Variants in IGSF3 observed in about 807,000 individuals in gnomAD.
The protein encoded by IGSF3 is immunoglobulin superfamily member 3.
IGSF3 carries 23 observed loss-of-function variants against 114.4 expected under a neutral mutation model. The observed-to-expected ratio is 0.20, with a 90% CI of 0.14 to 0.28. IGSF3 has a LOEUF of 0.28. Ranked by LOEUF, IGSF3 falls within the 10% of genes least tolerant of loss-of-function variation. IGSF3 has a pLI of 1.00. For missense variants in IGSF3, 1,172 were observed against 1,591.5 expected (o/e 0.74, Z 4.48); for synonymous variants, 571 against 645.2 (o/e 0.88, Z 1.74).
rs1203866508 is a variant in IGSF3 at position 116,589,757 on chromosome 1, T to C, written c.2030-653A>G. Among the ~76,000 whole-genome samples the C allele has an allele frequency of 3.3e-5, 5 of 152,154 alleles. No homozygotes were observed. In the South Asian group the frequency reaches 8.3e-4, roughly 25 times the overall value. The stretch of plus-strand genomic sequence containing the variant: ...TCACATCTCTCTCCCATATCCTAGA[T>C]GGTGAGCTCCCCCAGGGCAGGGATC... On this transcript the variant is annotated intron_variant, in intron 7 of 10. Transcript: ENST00000369486. This position sits in a 1 kb window ranked among gnomAD's most constrained non-coding sequence, Gnocchi z 5.7.
intron 2 of IGSF3, among the ~76,000 whole-genome samples, chr1:116,646,291 G>A (rs1052528421): frequency 6.6e-6 from 1 of 152,158 alleles, no homozygotes; most frequent in Non-Finnish European, 1.5e-5. Flanking sequence ...CTTTTGTCCG[G>A]CTTCTGGTGA....
At position 116,596,343 on chromosome 1, in the gene IGSF3, G is replaced by T; in HGVS notation, c.2029+3598C>A. 6.6e-6 allele frequency among the ~76,000 whole-genome samples: 1 copy of T among 152,220 alleles called. No homozygotes were observed. The highest frequency in any genetic ancestry group is 1.9e-4 in the East Asian group (1 of 5,198). ...GGGGACATTTCTATGGAAGACACCA[G>T]AGCAGGGCTAAGAATCTATGTTTTG... On this transcript the variant is annotated intron_variant, in intron 7 of 10. Transcript: ENST00000369486. The surrounding 1 kb of genome is among the most constrained non-coding windows in gnomAD (Gnocchi z 4.1).
chr1:116,620,268 C>G (rs1169639381), intron 2 of IGSF3, among the ~76,000 whole-genome samples: 1 of 152,158 alleles, frequency 6.6e-6, no homozygotes, highest in Non-Finnish European at 1.5e-5. Flanking sequence ...GCTGGCCACG[C>G]TTAGAGTTGT....
At chr1:116,659,337 TTTG>T (rs1649012572) in intron 2 of IGSF3, among the ~76,000 whole-genome samples, 1 of 152,216 alleles carries the variant, frequency 6.6e-6, no homozygotes, top group Non-Finnish European at 1.5e-5. Context: ...TGCCATGGTC[TTTG>T]TTAAGTGCCT....
In IGSF3 at chr1:116,629,980, TTTGAGGAATC is replaced by T. The variant is rs1271180730; in HGVS notation, c.44-13533_44-13524del. 3.3e-5 allele frequency among the ~76,000 whole-genome samples: 5 copies of T among 151,916 alleles called. No individual in the cohort carries two copies. The highest frequency in any genetic ancestry group is 7.4e-5 in the Non-Finnish European group (5 of 67,980). ...AGGAAGGCACCTGAATGACAGATGG[TTTGAGGAATC>T]TTGAGAAAGCAGAAGTTTAGGCATT... On this transcript the variant is annotated intron_variant, in intron 2 of 10. Coordinates refer to ENST00000369486, the MANE Select transcript of IGSF3 (RefSeq NM_001007237.3). This position sits in a 1 kb window ranked among gnomAD's most constrained non-coding sequence, Gnocchi z 4.3.
chr1:116,661,612 A>T lies in IGSF3; in HGVS notation c.43+4672T>A, dbSNP rs929492050. On this transcript the variant is annotated intron_variant, in intron 2 of 10. Transcript: ENST00000369486. This position sits in a 1 kb window ranked among gnomAD's most constrained non-coding sequence, Gnocchi z 4.0. ...GCTCGGCTTCAGAGTCAAACGGAAT[A>T]GCTTATTAGATGTAAGAACACAGGA... 6.6e-6 allele frequency among the ~76,000 whole-genome samples: 1 copy of T among 152,218 alleles called. No homozygotes were observed. The highest frequency in any genetic ancestry group is 1.5e-5 in the Non-Finnish European group (1 of 68,038).
intron 4 of IGSF3, among the ~76,000 whole-genome samples, chr1:116,611,826 C>T (rs1217146346): frequency 6.6e-6 from 1 of 151,976 alleles, no homozygotes; most frequent in African/African-American, 2.4e-5. Context: ...GCACATTTTA[C>T]TTGTCCATTG....
At chr1:116,611,838 C>T (rs489058) in intron 4 of IGSF3, among the ~76,000 whole-genome samples, 76,463 of 151,356 alleles carry the variant, frequency 0.51, 21,908 homozygotes, top group African/African-American at 0.79. Context: ...TGTCCATTGG[C>T]TCTCAGGTCT....
At position 116,578,653 on chromosome 1, in the gene IGSF3, CT is replaced by C. The variant is rs914308050; in HGVS notation, c.3334+738del. On this transcript the variant is annotated intron_variant, in intron 10 of 10. Transcript: ENST00000369486. ...AAAAGAAGTTAAAAATTCCAGCAAT[CT>C]TTTTTTTCTTTCTGTATTCTAGGCT... is the stretch of plus-strand genomic sequence containing the variant. Among the ~76,000 whole-genome samples the C allele has an allele frequency of 2.2e-3, 334 of 152,180 alleles. 1 individual carries two copies. Among genetic ancestry groups the C allele is most frequent in the African/African-American group, 7.7e-3 (319 of 41,528 alleles).
At position 116,638,543 on chromosome 1, in the gene IGSF3, C is replaced by CA. The variant is rs1298419770; in HGVS notation, c.44-22087dup. The stretch of plus-strand genomic sequence containing the variant: ...TCCACCTACTCAGTCTGACACCCAC[C>CA]ACTCCCTCCAAACATCCCCGGTACG... On this transcript the variant is annotated intron_variant, in intron 2 of 10. Coordinates refer to ENST00000369486, the MANE Select transcript of IGSF3 (RefSeq NM_001007237.3). This position sits in a 1 kb window ranked among gnomAD's most constrained non-coding sequence, Gnocchi z 4.1. Among the ~76,000 whole-genome samples, 10 of 152,322 alleles carry CA rather than the reference C, an allele frequency of 6.6e-5. No homozygotes were observed. The highest frequency in any genetic ancestry group is 6.8e-3 in the Middle Eastern group (2 of 294).
chr1:116,664,095 G>A lies in IGSF3; in HGVS notation c.43+2189C>T, dbSNP rs1649230550. On this transcript the variant is annotated intron_variant, in intron 2 of 10. Transcript: ENST00000369486. This position sits in a 1 kb window ranked among gnomAD's most constrained non-coding sequence, Gnocchi z 4.6. ...AAAGTAGTAGCCAGGCCTCCTTCCT[G>A]CCATACTGAGAGCCATCAGGTGAAG... 6.6e-6 allele frequency among the ~76,000 whole-genome samples: 1 copy of A among 152,150 alleles called. No individual in the cohort carries two copies. The highest frequency in any genetic ancestry group is 1.5e-5 in the Non-Finnish European group (1 of 68,034).
rs866505048 is a variant in IGSF3, at chr1:116,612,319, T to C, written c.832+1446A>G. On this transcript the variant is annotated intron_variant, in intron 4 of 10. Transcript: ENST00000369486. This position sits in a 1 kb window ranked among gnomAD's most constrained non-coding sequence, Gnocchi z 4.1. ...GAGCAGATAAAGTGCTCCCTATCCC[T>C]ACCAACCCCTACGGTAAAAGATTTC... Among the ~76,000 whole-genome samples, 10 of 152,156 alleles carry C rather than the reference T, an allele frequency of 6.6e-5. No individual in the cohort carries two copies. The highest frequency in any genetic ancestry group is 1.9e-4 in the African/African-American group (8 of 41,436).
rs1010690217 is a variant in IGSF3 at position 116,607,534 on chromosome 1, C to G, written c.1222+408G>C. On this transcript the variant is annotated intron_variant, in intron 5 of 10. Coordinates refer to ENST00000369486, the MANE Select transcript of IGSF3 (RefSeq NM_001007237.3). This position sits in a 1 kb window ranked among gnomAD's most constrained non-coding sequence, Gnocchi z 6.1. ...TTAAAATCCTCCCATAAAAGACCAACTCTCCTTAAGTGAGATTTCAAGGCA... is the reference window on the plus strand; with the variant it reads ...TTAAAATCCTCCCATAAAAGACCAAGTCTCCTTAAGTGAGATTTCAAGGCA... Among the ~76,000 whole-genome samples, 4 of 152,382 alleles carry G rather than the reference C, an allele frequency of 2.6e-5. No homozygotes were observed. The highest frequency in any genetic ancestry group is 1.9e-4 in the East Asian group (1 of 5,188).
Position 116,585,378 on chromosome 1 carries a change from G to A in IGSF3, c.2441-326C>T, listed in dbSNP as rs935915000. 4.6e-5 allele frequency among the ~76,000 whole-genome samples: 7 copies of A among 152,140 alleles called. No homozygotes were observed. Among genetic ancestry groups the A allele is most frequent in the African/African-American group, 1.7e-4 (7 of 41,410 alleles). ...ATGACAACGGACCACAAAACATGTC[G>A]CTGGCCGGGGCAGGTGGCTGGGAAG... On this transcript the variant is annotated intron_variant, in intron 8 of 10. Coordinates refer to ENST00000369486, the MANE Select transcript of IGSF3 (RefSeq NM_001007237.3). The surrounding 1 kb of genome is among the most constrained non-coding windows in gnomAD (Gnocchi z 4.9).
At chr1:116,599,017 A>G (rs1257658536) in intron 7 of IGSF3, among the ~76,000 whole-genome samples, 3 of 152,194 alleles carry the variant, frequency 2.0e-5, no homozygotes, top group Non-Finnish European at 4.4e-5. Context: ...TTCAGGGCCC[A>G]TACAACTGGA....
rs1303545801 is a variant in IGSF3 at position 116,610,874 on chromosome 1, T to C, written c.833-2543A>G. ...AGCATCTCTATCAGAGTCTACCTGA[T>C]GGATGGGCTCTTTCATTAGAATTTA... On this transcript the variant is annotated intron_variant, in intron 4 of 10. Transcript: ENST00000369486. The surrounding 1 kb of genome is among the most constrained non-coding windows in gnomAD (Gnocchi z 4.3). Among the ~76,000 whole-genome samples, 1 of 152,230 alleles carries C rather than the reference T, an allele frequency of 6.6e-6. No homozygotes were observed. The highest frequency in any genetic ancestry group is 2.4e-5 in the African/African-American group (1 of 41,470).
rs1326703968 is a variant in IGSF3, at chr1:116,661,845, G to A, written c.43+4439C>T. Among the ~76,000 whole-genome samples the A allele has an allele frequency of 6.6e-6, 1 of 152,140 alleles. No homozygotes were observed. The highest frequency in any genetic ancestry group is 1.5e-5 in the Non-Finnish European group (1 of 68,020). ...CAGCTAAATATGGTCACATGACTAG[G>A]TTCTAGCCAATGAGAATGTTAGTGG... On this transcript the variant is annotated intron_variant, in intron 2 of 10. Coordinates refer to ENST00000369486, the MANE Select transcript of IGSF3 (RefSeq NM_001007237.3). This position sits in a 1 kb window ranked among gnomAD's most constrained non-coding sequence, Gnocchi z 4.0.
At chr1:116,630,698 G>A (rs1467266623) in intron 2 of IGSF3, among the ~76,000 whole-genome samples, 1 of 152,168 alleles carries the variant, frequency 6.6e-6, no homozygotes, top group Non-Finnish European at 1.5e-5. Context: ...AAACAGAGGC[G>A]GCAAAGCGTG....
At position 116,648,607 on chromosome 1, in the gene IGSF3, G is replaced by A. The variant is rs761199471; in HGVS notation, c.43+17677C>T. Among the ~76,000 whole-genome samples the A allele has an allele frequency of 3.9e-5, 6 of 152,198 alleles. No homozygotes were observed. Among genetic ancestry groups the A allele is most frequent in the Non-Finnish European group, 5.9e-5 (4 of 68,026 alleles). On this transcript the variant is annotated intron_variant, in intron 2 of 10. Coordinates refer to ENST00000369486, the MANE Select transcript of IGSF3 (RefSeq NM_001007237.3). This position sits in a 1 kb window ranked among gnomAD's most constrained non-coding sequence, Gnocchi z 4.7. ...GATTGATGCAACACTGTAACAAAGC[G>A]TGTGCAAAGTGCCTAGCTCCGGACT...
Sources: allele counts gnomAD v4.1 joint callset (sites outside exome capture counted in the v4.1 genomes callset), GRCh38; gene constraint gnomAD v4.1.1; non-coding constraint Gnocchi (gnomAD v3.1); transcripts MANE v1.5; gene names NCBI Gene and HGNC (gene_info 2026-07-23, HGNC 2026-07-21).